Variants in NRXN2 observed in about 807,000 individuals in gnomAD.
The protein encoded by NRXN2 is neurexin-2-beta.
In NRXN2, 29 loss-of-function variants were observed where a neutral mutation model predicts 128.8. The ratio of observed to expected loss-of-function variants is 0.23; its 90% CI spans 0.17 to 0.31. The LOEUF (loss-of-function observed/expected upper bound fraction) is 0.31, where lower values mean the gene tolerates loss of function less well. Among genes scored for constraint, NRXN2 ranks in the 10% least tolerant of loss-of-function variants. The pLI is 1.00. For missense variants in NRXN2, 1,881 were observed against 2,452.6 expected (o/e 0.77, Z 4.92); for synonymous variants, 1,098 against 1,075.2 (o/e 1.02, Z -0.41).
chr11:64,658,639 A>G (rs1033111721), intron 11 of NRXN2, among the ~76,000 whole-genome samples: 1 of 152,250 alleles, frequency 6.6e-6, no homozygotes. Flanking sequence ...GTATAAATAC[A>G]TTTACAAGGC....
rs749693508 is a variant in NRXN2 at position 64,713,298 on chromosome 11, G to A, written c.402C>T (p.Ala134=). The change falls in exon 2 of 23, where the codon GCC becomes GCT. Residue 134 remains alanine (A), a synonymous_variant. Transcript: ENST00000265459. ...TALAVDGEAR[A]AEVRSKRREM... ...CGCGCCGCTTGGAGCGCACCTCGGCGGCGCGGGCCTCGCCGTCCACCGCCA... is the reference window on the plus strand; with the variant it reads ...CGCGCCGCTTGGAGCGCACCTCGGCAGCGCGGGCCTCGCCGTCCACCGCCA... The A allele has an allele frequency of 2.9e-6, 4 of 1,365,778 alleles. 1 individual carries two copies. Among genetic ancestry groups the A allele is most frequent in the South Asian group, 3.4e-5 (2 of 58,744 alleles). 84.6% of individuals were successfully genotyped at this position (1,365,778 alleles called of 1,614,324 possible). A position where few individuals can be genotyped will look rare whatever the true frequency, so the allele number is the denominator to read the frequency against.
chr11:64,619,402 C>T (rs1324554370), intron 22 of NRXN2, among the ~76,000 whole-genome samples: 2 of 151,992 alleles, frequency 1.3e-5, no homozygotes, highest in East Asian at 3.9e-4. Flanking sequence ...CCCCAACCTG[C>T]TCAAATGAGC....
intron 22 of NRXN2, among the ~76,000 whole-genome samples, chr11:64,618,097 C>G (rs1392582564): frequency 6.6e-6 from 1 of 152,208 alleles, no homozygotes; most frequent in East Asian, 1.9e-4. Context: ...CTCACAGATC[C>G]CTGACTGGGA....
intron 21 of NRXN2, among the ~76,000 whole-genome samples, chr11:64,621,322 T>C (rs1012214675): frequency 1.3e-5 from 2 of 152,166 alleles, no homozygotes; most frequent in African/African-American, 4.8e-5. Flanking sequence ...GATCTGCCCA[T>C]CACCCTCCCA....
At chr11:64,638,443 G>C (rs1371125141) in intron 17 of NRXN2, among the ~76,000 whole-genome samples, 1 of 152,140 alleles carries the variant, frequency 6.6e-6, no homozygotes, top group Non-Finnish European at 1.5e-5. Flanking sequence ...GCGGGGCTGG[G>C]AGGCGTGGCT....
At chr11:64,722,710 T>TC (rs1403869259) in intron 1 of NRXN2, among the ~76,000 whole-genome samples, 7 of 135,950 alleles carry the variant, frequency 5.1e-5, no homozygotes, top group Non-Finnish European at 7.9e-5. Context: ...CTCCATCCCT[T>TC]CCCCCAAAGA....
chr11:64,628,201 T>C (rs536865915), intron 19 of NRXN2, among the ~76,000 whole-genome samples: 3 of 152,298 alleles, frequency 2.0e-5, no homozygotes, highest in South Asian at 2.1e-4. Flanking sequence ...ATTCTCACAG[T>C]ATTGCTATGA....
intron 15 of NRXN2, 94 bp from the exon 16 acceptor site, chr11:64,649,001 G>A: frequency 7.8e-7 from 1 of 1,282,486 alleles, no homozygotes; most frequent in Non-Finnish European, 1.1e-6. Context: ...GCCTTCTCAG[G>A]TTCTCTGCGT....
At chr11:64,658,476 G>C (rs1430291968) in intron 11 of NRXN2, among the ~76,000 whole-genome samples, 1 of 152,202 alleles carries the variant, frequency 6.6e-6, no homozygotes, top group African/African-American at 2.4e-5. Flanking sequence ...CTGTGATCGT[G>C]GTTAGAAACA....
chr11:64,713,549 C>A lies in NRXN2; in HGVS notation c.151G>T (p.Gly51Cys). 1 of 1,440,852 alleles carries A rather than the reference C, an allele frequency of 6.9e-7. No individual in the cohort carries two copies. The highest frequency in any genetic ancestry group is 9.1e-7 in the Non-Finnish European group (1 of 1,096,960). 89.3% of individuals were successfully genotyped at this position (1,440,852 alleles called of 1,614,324 possible). Residue 51 changes from glycine (G) to cysteine (C), a missense_variant, in exon 2 of 23, where the codon GGC becomes TGC. Around this residue, in one of 7 missense-constraint regions of NRXN2, gnomAD observed 997 missense variants for 1,240.8 expected, o/e 0.80. Transcript: ENST00000265459. ...GTGCGCAGGCTGAAGCTGAGCTCGC[C>A]GCTGCTCGCCGCGCCCGCCCAGCGC... ...YARWAGAASS[G>C]ELSFSLRTNA...
At chr11:64,705,118 T>C (rs1317673759) in intron 2 of NRXN2, among the ~76,000 whole-genome samples, 3 of 152,122 alleles carry the variant, frequency 2.0e-5, no homozygotes, top group Non-Finnish European at 4.4e-5. Flanking sequence ...CACACTAGCT[T>C]AAGGGAGAAG....
Position 64,653,641 on chromosome 11 carries a change from C to T in NRXN2, c.2416+55G>A, listed in dbSNP as rs1166295887. ...CCCAGCCTCCCTCCCTAAATCCCAG[C>T]GTCCAGCATCCCAGTCCCCTTGGGT... is the stretch of plus-strand genomic sequence containing the variant. On this transcript the variant is annotated intron_variant, in intron 12 of 22. Coordinates refer to ENST00000265459, the MANE Select transcript of NRXN2 (RefSeq NM_015080.4). The T allele has an allele frequency of 3.3e-5, 51 of 1,524,728 alleles. No homozygotes were observed. The East Asian group carries it at 8.7e-4, about 26-fold the overall frequency. 94.4% of individuals were successfully genotyped at this position (1,524,728 alleles called of 1,614,324 possible).
chr11:64,711,860 G>T (rs1380742377), intron 2 of NRXN2, among the ~76,000 whole-genome samples: 1 of 152,168 alleles, frequency 6.6e-6, no homozygotes, highest in Non-Finnish European at 1.5e-5. Flanking sequence ...CTTCGGAGGC[G>T]CTCTGAGGAT....
At chr11:64,695,076 T>C (rs1485492579) in intron 3 of NRXN2, among the ~76,000 whole-genome samples, 1 of 152,136 alleles carries the variant, frequency 6.6e-6, no homozygotes, top group Non-Finnish European at 1.5e-5. Flanking sequence ...GGGAGGCTGG[T>C]TCCCTTCCTG....
At chr11:64,620,098 G>A (rs1159186418) in intron 22 of NRXN2, among the ~76,000 whole-genome samples, 196 bp downstream of exon 22, 1 of 152,234 alleles carries the variant, frequency 6.6e-6, no homozygotes, top group Non-Finnish European at 1.5e-5. Flanking sequence ...CTACCTCTGA[G>A]GGGCTGGGAA....
intron 20 of NRXN2, among the ~76,000 whole-genome samples, chr11:64,624,851 T>C (rs905002416): frequency 1.3e-5 from 2 of 152,148 alleles, no homozygotes; most frequent in South Asian, 2.1e-4. Flanking sequence ...GCACCTACCA[T>C]AGTCAGGCGC....
intron 5 of NRXN2, among the ~76,000 whole-genome samples, chr11:64,690,114 C>A (rs1329658115): frequency 2.0e-5 from 3 of 152,208 alleles, no homozygotes; most frequent in Non-Finnish European, 4.4e-5. Flanking sequence ...GAAACAGATA[C>A]TTCCTAGGGA....
chr11:64,703,534 A>C (rs1316371423), intron 2 of NRXN2, among the ~76,000 whole-genome samples: 1 of 152,190 alleles, frequency 6.6e-6, no homozygotes, highest in Non-Finnish European at 1.5e-5. Context: ...GGAAGTCAAG[A>C]CTTCTAGAAA....
At position 64,606,970 on chromosome 11, in the gene NRXN2, TGA is replaced by T; in HGVS notation, c.*224_*225del. ...GTGCCCTGCCTGGCAGGCGCAGAGC[TGA>T]GAGGGACAGTCAGCCCCGGGACTGA... On this transcript the variant is annotated 3_prime_UTR_variant, in exon 23 of 23. Transcript: ENST00000265459. The T allele has an allele frequency of 7.0e-6, 4 of 572,034 alleles. No homozygotes were observed. In the South Asian group the frequency reaches 8.6e-5, roughly 12 times the overall value. The allele number at this position is 572,034 out of a possible 1,614,324, so 35.4% of individuals were successfully genotyped here. A position where few individuals can be genotyped will look rare whatever the true frequency, so the allele number is the denominator to read the frequency against.
Sources: allele counts gnomAD v4.1 joint callset (sites outside exome capture counted in the v4.1 genomes callset), GRCh38; gene constraint gnomAD v4.1.1; regional missense constraint gnomAD v4.1.1; transcripts MANE v1.5; gene names NCBI Gene and HGNC (gene_info 2026-07-23, HGNC 2026-07-21).